Variants in SIMC1 observed in about 807,000 individuals in gnomAD.
The protein encoded by SIMC1 is SUMO-interacting motif-containing protein 1.
A neutral mutation model predicts 82.3 loss-of-function variants in SIMC1; 55 were observed. The ratio of observed to expected loss-of-function variants is 0.67; its 90% confidence interval spans 0.54 to 0.84. SIMC1 has a LOEUF of 0.84. Among genes scored for constraint, SIMC1 ranks in the 40% least tolerant of loss-of-function variants. The pLI is 0.00. For missense variants in SIMC1, 915 were observed against 1,107.2 expected, an observed-to-expected ratio of 0.83 and a Z score of 2.46; for synonymous variants, 353 against 426.3, an observed-to-expected ratio of 0.83 and a Z score of 2.12.
chr5:176,329,016 G>C (rs897123328), intron 7 of SIMC1, among the ~76,000 whole-genome samples: 1 of 152,154 alleles, frequency 6.6e-6, no homozygotes, highest in Non-Finnish European at 1.5e-5. Context: ...CTAGATACAA[G>C]GGGAACTATA....
chr5:176,318,515 A>G (rs771351097), intron 5 of SIMC1, among the ~76,000 whole-genome samples: 12 of 152,216 alleles, frequency 7.9e-5, no homozygotes, highest in East Asian at 3.9e-4. Flanking sequence ...TCCAGTCTTC[A>G]TCATAAATTT....
intron 5 of SIMC1, among the ~76,000 whole-genome samples, chr5:176,320,736 A>C (rs1765124889): frequency 6.6e-6 from 1 of 151,816 alleles, no homozygotes; most frequent in Admixed American, 6.6e-5. Context: ...CCGCTTGCAG[A>C]GCTATTGAAG....
rs868643183 is a variant in SIMC1, at chr5:176,324,594, C to G, written c.2043-35C>G. 8 of 1,603,664 alleles carry G rather than the reference C, an allele frequency of 5.0e-6. No homozygotes were observed. In the African/African-American group the frequency reaches 1.1e-4, roughly 21 times the overall value. The stretch of plus-strand genomic sequence containing the variant: ...CCAGAGAGTGGCTCCTTGCCAGACC[C>G]TCACACTCATCTGTGTCCTATGTTC... On this transcript the variant is annotated intron_variant, in intron 6 of 9. Coordinates refer to ENST00000429602, the MANE Select transcript of SIMC1 (RefSeq NM_001308195.2).
intron 7 of SIMC1, among the ~76,000 whole-genome samples, chr5:176,329,813 A>G (rs1222264381): frequency 6.6e-6 from 1 of 152,222 alleles, no homozygotes; most frequent in Non-Finnish European, 1.5e-5. Context: ...TCTCACTGTC[A>G]GAGAAAAGAT....
intron 7 of SIMC1, among the ~76,000 whole-genome samples, chr5:176,328,250 T>A (rs998691827): frequency 1.2e-4 from 19 of 152,098 alleles, no homozygotes; most frequent in Admixed American, 1.2e-3. Context: ...TGCAAAATAA[T>A]ATTATATTAA....
chr5:176,294,070 C>T (rs577264261), intron 2 of SIMC1, among the ~76,000 whole-genome samples: 5 of 152,212 alleles, frequency 3.3e-5, no homozygotes, highest in Admixed American at 1.3e-4. Flanking sequence ...TTATCTATTT[C>T]GGTATCTGAT....
intron 1 of SIMC1, among the ~76,000 whole-genome samples, chr5:176,286,346 A>G (rs1286565344): frequency 6.6e-6 from 1 of 152,268 alleles, no homozygotes; most frequent in Non-Finnish European, 1.5e-5. Context: ...ATCTACAACC[A>G]TCTGATCTTT....
chr5:176,317,033 C>T (rs1764942128), intron 5 of SIMC1, among the ~76,000 whole-genome samples: 1 of 152,078 alleles, frequency 6.6e-6, no homozygotes, highest in Non-Finnish European at 1.5e-5. Flanking sequence ...GTGTTTGTGA[C>T]CTCTAAATCT....
chr5:176,308,071 G>A, intron 4 of SIMC1: 1 of 725,294 alleles, frequency 1.4e-6, no homozygotes, highest in South Asian at 1.5e-5. Context: ...AGATGGCAGT[G>A]CAGGTGGTGC....
chr5:176,292,836 C>T (rs1021099546), intron 2 of SIMC1, among the ~76,000 whole-genome samples: 7 of 152,192 alleles, frequency 4.6e-5, no homozygotes, highest in Non-Finnish European at 7.3e-5. Context: ...CCACCGCGCC[C>T]GGCCCAGACA....
At chr5:176,245,109 C>T (rs1009106798) in intron 1 of SIMC1, among the ~76,000 whole-genome samples, 2 of 152,188 alleles carry the variant, frequency 1.3e-5, no homozygotes, top group African/African-American at 4.8e-5. Context: ...TGCTGAAGTT[C>T]TAACCCCCCA....
chr5:176,313,630 A>G, intron 4 of SIMC1, 61 bp from the exon 5 acceptor site: 1 of 1,600,376 alleles, frequency 6.2e-7, no homozygotes, highest in South Asian at 1.1e-5. Context: ...TGAGAGCCCA[A>G]TGTTGACTGT....
At chr5:176,280,527 G>T (rs1762944408) in intron 1 of SIMC1, among the ~76,000 whole-genome samples, 1 of 152,034 alleles carries the variant, frequency 6.6e-6, no homozygotes, top group Non-Finnish European at 1.5e-5. Context: ...TTTCTTCCTA[G>T]TCTCGATGGT....
chr5:176,283,205 T>C (rs904345716), intron 1 of SIMC1, among the ~76,000 whole-genome samples: 1 of 152,120 alleles, frequency 6.6e-6, no homozygotes, highest in African/African-American at 2.4e-5. Context: ...GAAGAGCAAC[T>C]CTGAGACACA....
intron 1 of SIMC1, among the ~76,000 whole-genome samples, chr5:176,287,120 C>G (rs1043992924): frequency 6.6e-6 from 1 of 152,174 alleles, no homozygotes; most frequent in Non-Finnish European, 1.5e-5. Context: ...CCAGCCATCC[C>G]ATTACTGGGT....
At chr5:176,277,372 C>G (rs1762757255) in intron 1 of SIMC1, among the ~76,000 whole-genome samples, 1 of 151,846 alleles carries the variant, frequency 6.6e-6, no homozygotes, top group Non-Finnish European at 1.5e-5. Context: ...GAGTGGGTTG[C>G]AAAAATTTTC....
At chr5:176,256,259 T>C in intron 1 of SIMC1, among the ~76,000 whole-genome samples, 1 of 152,204 alleles carries the variant, frequency 6.6e-6, no homozygotes, top group East Asian at 1.9e-4. Context: ...GAAAACATTG[T>C]TCTAATATAG....
intron 7 of SIMC1, among the ~76,000 whole-genome samples, chr5:176,332,763 A>G (rs1765720652): frequency 6.6e-6 from 1 of 152,218 alleles, no homozygotes; most frequent in African/African-American, 2.4e-5. Flanking sequence ...AAGAGTTCAG[A>G]GACAACCCAG....
chr5:176,271,162 C>A (rs1357038963), intron 1 of SIMC1, among the ~76,000 whole-genome samples: 2 of 152,170 alleles, frequency 1.3e-5, no homozygotes, highest in Non-Finnish European at 2.9e-5. Context: ...GAGTTCGAGA[C>A]CAGCCTGGCC....
Sources: gnomAD v4.1 joint callset for allele counts (sites outside exome capture counted in the v4.1 genomes callset) on GRCh38, gnomAD v4.1.1 for gene constraint, MANE v1.5 for transcripts, NCBI Gene and HGNC (gene_info 2026-07-23, HGNC 2026-07-21) for gene names.